The following CDK19 variants were observed in gnomAD, a reference collection of about 807,000 sequenced individuals.
CDK19 encodes cyclin-dependent kinase 19.
CDK19 carries 20 observed loss-of-function variants against 68.3 expected under a neutral mutation model. That is an observed-to-expected ratio of 0.29 (90% CI 0.21 to 0.43). CDK19 has a LOEUF of 0.43. Among genes scored for constraint, CDK19 ranks in the 20% least tolerant of loss-of-function variants. The probability of loss-of-function intolerance (pLI) is 1.00; values close to 1 mark genes in which losing one functional copy is unlikely to be tolerated. For missense variants in CDK19, 339 were observed against 623.5 expected (o/e 0.54, Z 4.86); for synonymous variants, 221 against 222.8 (o/e 0.99, Z 0.07).
At chr6:110,730,098 A>G (rs191260945) in intron 2 of CDK19, among the ~76,000 whole-genome samples, 2 of 152,182 alleles carry the variant, frequency 1.3e-5, no homozygotes, top group Non-Finnish European at 2.9e-5. Context: ...TTCTGCCTTC[A>G]TTGGAGTACT....
rs545477054 is a variant in CDK19 at position 110,791,995 on chromosome 6, G to T, written c.128+23014C>A. On this transcript the variant is annotated intron_variant, in intron 1 of 12. Coordinates refer to ENST00000368911, the MANE Select transcript of CDK19 (RefSeq NM_015076.5). Reference sequence around the variant, plus strand: ...CTTAAACTTTTTTTTTTTTTGAGACGGAGTCCCATTCTGTTGCCAGGCTGG... The same window carrying T: ...CTTAAACTTTTTTTTTTTTTGAGACTGAGTCCCATTCTGTTGCCAGGCTGG... 2.7e-5 allele frequency among the ~76,000 whole-genome samples: 4 copies of T among 148,348 alleles called. No homozygotes were observed. In the Admixed American group the frequency reaches 2.7e-4, roughly 10 times the overall value.
At chr6:110,646,622 A>G (rs768040933) in intron 4 of CDK19, 4 of 604,518 alleles carry the variant, frequency 6.6e-6, no homozygotes, top group South Asian at 3.5e-5. Context: ...GGGGATTCGG[A>G]AAAGACAAAG....
intron 2 of CDK19, among the ~76,000 whole-genome samples, chr6:110,734,686 C>T (rs73528407): frequency 0.019 from 2,912 of 152,158 alleles, 99 homozygotes; most frequent in African/African-American, 0.067. Context: ...AGAGTCTTCC[C>T]AGACTGCCAA....
chr6:110,684,152 C>T (rs1582857185), intron 2 of CDK19, among the ~76,000 whole-genome samples: 1 of 151,926 alleles, frequency 6.6e-6, no homozygotes, highest in African/African-American at 2.4e-5. Context: ...ATCTTAATTA[C>T]CTGGAATTCT....
At chr6:110,701,329 T>A (rs1773987090) in intron 2 of CDK19, among the ~76,000 whole-genome samples, 1 of 149,922 alleles carries the variant, frequency 6.7e-6, no homozygotes, top group South Asian at 2.1e-4. Context: ...GATCACGAGG[T>A]CAGGAGATTG....
chr6:110,615,467 T>C (rs1003497442), intron 12 of CDK19, among the ~76,000 whole-genome samples: 2 of 152,202 alleles, frequency 1.3e-5, no homozygotes, highest in South Asian at 2.1e-4. Flanking sequence ...AGAAGGCTGG[T>C]TTTTCTTGTA....
chr6:110,661,917 G>A (rs1051733510), intron 4 of CDK19, among the ~76,000 whole-genome samples: 3 of 152,128 alleles, frequency 2.0e-5, no homozygotes, highest in African/African-American at 4.8e-5. Flanking sequence ...ACCCACTAAT[G>A]TGAAAAGAGC....
Position 110,776,512 on chromosome 6 carries a change from C to T in CDK19, c.129-30311G>A, listed in dbSNP as rs547830694. The stretch of plus-strand genomic sequence containing the variant: ...AGCTGTGTAAGGAAGCCTGAAGAAG[C>T]AATCAAAAGTTTGAGCTGGCCAAAA... On this transcript the variant is annotated intron_variant, in intron 1 of 12. Transcript: ENST00000368911. 5.9e-5 allele frequency among the ~76,000 whole-genome samples: 9 copies of T among 151,814 alleles called. No homozygotes were observed. In the South Asian group the frequency reaches 1.9e-3, roughly 32 times the overall value.
chr6:110,815,171 GGCC>G lies in CDK19; in HGVS notation c.-38_-36del. The G allele has an allele frequency of 6.4e-7, 1 of 1,555,554 alleles. No homozygotes were observed. On this transcript the variant is annotated 5_prime_UTR_variant, in exon 1 of 13. Transcript: ENST00000368911. ...CCCCCATAGAGGCACGGGACGCGGG[GGCC>G]GCCGCCGCTCAGTCCCTCCTCCTCC...
chr6:110,650,101 A>G (rs774907405), intron 4 of CDK19, among the ~76,000 whole-genome samples: 35 of 152,242 alleles, frequency 2.3e-4, no homozygotes, highest in Non-Finnish European at 4.6e-4. Context: ...AAATCTTAGA[A>G]GCATTATGTT....
chr6:110,624,087 A>T (rs1778933888), intron 8 of CDK19, among the ~76,000 whole-genome samples: 1 of 151,924 alleles, frequency 6.6e-6, no homozygotes, highest in Non-Finnish European at 1.5e-5. Flanking sequence ...AGAAGAAAAT[A>T]CATAATATGT....
At chr6:110,642,273 C>T (rs1485049404) in intron 4 of CDK19, among the ~76,000 whole-genome samples, 1 of 145,648 alleles carries the variant, frequency 6.9e-6, no homozygotes, top group African/African-American at 2.5e-5. Flanking sequence ...TGTGCCACCG[C>T]ACTCCAGCCT....
At chr6:110,681,856 G>T (rs1340745593) in intron 2 of CDK19, among the ~76,000 whole-genome samples, 2 of 152,170 alleles carry the variant, frequency 1.3e-5, no homozygotes, top group Non-Finnish European at 2.9e-5. Context: ...AATGTTCAAT[G>T]AACATGCCAA....
rs146350038 is a variant in CDK19, at chr6:110,662,073, G to C, written c.456+5361C>G. On this transcript the variant is annotated intron_variant, in intron 4 of 12. Coordinates refer to ENST00000368911, the MANE Select transcript of CDK19 (RefSeq NM_015076.5). ...CAATCTCTGCCTCCCAGGTTCAAGC[G>C]ATTCTCCTGCCTCAGCCTCCCGAGT... Among the ~76,000 whole-genome samples the C allele has an allele frequency of 3.2e-3, 494 of 152,184 alleles. 2 individuals carry two copies. Among genetic ancestry groups the C allele is most frequent in the Admixed American group, 0.015 (227 of 15,278 alleles).
At chr6:110,641,613 A>G (rs28565096) in intron 4 of CDK19, among the ~76,000 whole-genome samples, 1 of 145,636 alleles carries the variant, frequency 6.9e-6, no homozygotes. Context: ...AAAAAAAAGA[A>G]AAAGAAAGGA....
chr6:110,775,260 G>A (rs1403470102), intron 1 of CDK19, among the ~76,000 whole-genome samples: 1 of 151,910 alleles, frequency 6.6e-6, no homozygotes, highest in Admixed American at 6.6e-5. Context: ...AGAAAGAAAA[G>A]AAAAAATAAA....
At chr6:110,683,692 G>T (rs1772205403) in intron 2 of CDK19, among the ~76,000 whole-genome samples, 1 of 147,226 alleles carries the variant, frequency 6.8e-6, no homozygotes, top group Admixed American at 6.8e-5. Flanking sequence ...TTTAGTATAA[G>T]TATTTAATCT....
chr6:110,774,776 C>T (rs767207682), intron 1 of CDK19, among the ~76,000 whole-genome samples: 4 of 152,116 alleles, frequency 2.6e-5, no homozygotes, highest in Admixed American at 6.6e-5. Flanking sequence ...AGGGCGAACC[C>T]CATCTCTACT....
At position 110,610,051 on chromosome 6, in the gene CDK19, C is replaced by T. The variant is rs1488324561; in HGVS notation, c.*4484G>A. The T allele has an allele frequency of 2.0e-5, 3 of 152,160 alleles. No homozygotes were observed. The highest frequency in any genetic ancestry group is 2.9e-5 in the Non-Finnish European group (2 of 68,034). 9.4% of individuals were successfully genotyped at this position (152,160 alleles called of 1,614,324 possible). On this transcript the variant is annotated 3_prime_UTR_variant, in exon 13 of 13. Coordinates refer to ENST00000368911, the MANE Select transcript of CDK19 (RefSeq NM_015076.5). ...TGTAATTTATTTTAGTTTTAACAGT[C>T]ATTTCAAGAAGGAAGTCAGGTCAAC...
Sources: allele counts gnomAD v4.1 joint callset (sites outside exome capture counted in the v4.1 genomes callset), GRCh38; gene constraint gnomAD v4.1.1; transcripts MANE v1.5; gene names NCBI Gene and HGNC (gene_info 2026-07-23, HGNC 2026-07-21).